Variants in BBS9 observed in about 807,000 individuals in gnomAD.
The protein encoded by BBS9 is protein PTHB1.
BBS9 carries 89 observed loss-of-function variants against 117.7 expected under a neutral mutation model. That is an observed-to-expected ratio of 0.76 (90% confidence interval 0.64 to 0.90). The LOEUF is 0.90. BBS9 is among the 40% of genes least tolerant of loss of function. BBS9 has a pLI of 0.00. For synonymous variants in BBS9, 379 were observed against 370.9 expected (o/e 1.02, Z -0.25); for missense variants, 982 against 1,042.2 (o/e 0.94, Z 0.80).
chr7:33,305,218 TTATGTTGAACCATGCTTGCATCCC>T (rs1245251836), intron 9 of BBS9, among the ~76,000 whole-genome samples: 1 of 152,166 alleles, frequency 6.6e-6, no homozygotes, highest in Non-Finnish European at 1.5e-5. Context: ...ATCATTTTGC[TTATGTTGAACCATGCTTGCATCCC>T]TAGGATAAAT....
chr7:33,403,535 A>G (rs997697911), intron 19 of BBS9, among the ~76,000 whole-genome samples: 1 of 134,144 alleles, frequency 7.5e-6, no homozygotes, highest in Non-Finnish European at 1.5e-5. Context: ...CTCATTGTTC[A>G]ATTCCCATCT....
chr7:33,310,684 TG>T (rs1226662924), intron 9 of BBS9, among the ~76,000 whole-genome samples: 1 of 152,212 alleles, frequency 6.6e-6, no homozygotes, highest in Non-Finnish European at 1.5e-5. Context: ...GGGACATTTT[TG>T]AATGTCATAA....
chr7:33,591,352 A>C (rs1049062422), intron 21 of BBS9, among the ~76,000 whole-genome samples: 9 of 152,108 alleles, frequency 5.9e-5, no homozygotes, highest in African/African-American at 2.2e-4. Context: ...AGGGCTTTGC[A>C]TGTGAATGTA....
intron 19 of BBS9, among the ~76,000 whole-genome samples, chr7:33,406,760 G>GC (rs1258310493): frequency 6.6e-6 from 1 of 151,950 alleles, no homozygotes; most frequent in Non-Finnish European, 1.5e-5. Flanking sequence ...TTGAATATTG[G>GC]CCCCCACTCT....
At chr7:33,274,113 A>G (rs1348236525) in intron 9 of BBS9, among the ~76,000 whole-genome samples, 157 bp downstream of exon 9, 3 of 152,220 alleles carry the variant, frequency 2.0e-5, no homozygotes, top group Admixed American at 1.3e-4. Flanking sequence ...TATAACTTTT[A>G]TTGGAAAGGA....
chr7:33,590,461 T>TTTTG (rs1554551714), intron 21 of BBS9, among the ~76,000 whole-genome samples: 45 of 109,516 alleles, frequency 4.1e-4, no homozygotes, highest in Middle Eastern at 4.4e-3. Context: ...GTTTTTTTGT[T>TTTTG]TTTTTTTTTT....
chr7:33,436,999 G>A (rs894649889), intron 19 of BBS9, among the ~76,000 whole-genome samples: 2 of 152,180 alleles, frequency 1.3e-5, no homozygotes, highest in Admixed American at 1.3e-4. Flanking sequence ...TTGTACATGA[G>A]TGAGGAAATT....
At chr7:33,249,423 A>G (rs927012809) in intron 5 of BBS9, among the ~76,000 whole-genome samples, 5 of 152,142 alleles carry the variant, frequency 3.3e-5, no homozygotes, top group Admixed American at 2.6e-4. Context: ...AATGAGACAT[A>G]CTATTGAATA....
intron 20 of BBS9, among the ~76,000 whole-genome samples, chr7:33,522,372 A>C (rs937114474): frequency 1.3e-5 from 2 of 150,000 alleles, no homozygotes; most frequent in Non-Finnish European, 3.0e-5. Flanking sequence ...AACAGTGTAA[A>C]AGTGTTCCTA....
chr7:33,275,311 A>C (rs1235692340), intron 9 of BBS9, among the ~76,000 whole-genome samples: 2 of 152,222 alleles, frequency 1.3e-5, no homozygotes, highest in Admixed American at 1.3e-4. Flanking sequence ...AATAATTTAA[A>C]AGTTTTGAGA....
At chr7:33,533,046 G>A (rs1233807663) in intron 20 of BBS9, among the ~76,000 whole-genome samples, 1 of 152,162 alleles carries the variant, frequency 6.6e-6, no homozygotes, top group Non-Finnish European at 1.5e-5. Context: ...TCCCCACAAA[G>A]ATCTTACCCA....
rs1792453560 is a variant in BBS9 at position 33,231,573 on chromosome 7, A to C, written c.443-25663A>C. Among the ~76,000 whole-genome samples, 3 of 150,610 alleles carry C rather than the reference A, an allele frequency of 2.0e-5. No homozygotes were observed. The Admixed American group carries it at 2.0e-4, about 10-fold the overall frequency. ...GCTATTTGGTTCCATATAAACTTTTATGGTTCCATATAAACTTTGGGATTT... is the reference window on the plus strand; with the variant it reads ...GCTATTTGGTTCCATATAAACTTTTCTGGTTCCATATAAACTTTGGGATTT... On this transcript the variant is annotated intron_variant, in intron 5 of 22. Transcript: ENST00000242067.
intron 9 of BBS9, among the ~76,000 whole-genome samples, chr7:33,297,983 T>G (rs879031278): frequency 1.3e-5 from 2 of 152,052 alleles, no homozygotes; most frequent in African/African-American, 4.8e-5. Flanking sequence ...AGCCTTTTCT[T>G]TTTTTTAGGA....
Position 33,318,129 on chromosome 7 carries a change from T to A in BBS9, c.1017-18312T>A, listed in dbSNP as rs1199093932. 2.0e-5 allele frequency among the ~76,000 whole-genome samples: 3 copies of A among 152,264 alleles called. No individual in the cohort carries two copies. The East Asian group carries it at 5.8e-4, about 29-fold the overall frequency. ...ACAAGATAACAAAAGCAAAACCCCCTTGCATAACTTCCCATTGCTTGAAGA... is the reference window on the plus strand; with the variant it reads ...ACAAGATAACAAAAGCAAAACCCCCATGCATAACTTCCCATTGCTTGAAGA... On this transcript the variant is annotated intron_variant, in intron 9 of 22. Transcript: ENST00000242067.
intron 4 of BBS9, among the ~76,000 whole-genome samples, chr7:33,174,258 A>G (rs1244440731): frequency 1.3e-5 from 2 of 152,142 alleles, no homozygotes; most frequent in East Asian, 3.9e-4. Flanking sequence ...AATGGACACA[A>G]TAGGCCTAGT....
chr7:33,369,929 T>A (rs1377766384), intron 17 of BBS9, among the ~76,000 whole-genome samples: 1 of 152,224 alleles, frequency 6.6e-6, no homozygotes, highest in Non-Finnish European at 1.5e-5. Flanking sequence ...ATAAGTCACA[T>A]AGAATTGTCC....
chr7:33,466,895 G>C (rs1480454105), intron 19 of BBS9, among the ~76,000 whole-genome samples: 1 of 152,082 alleles, frequency 6.6e-6, no homozygotes, highest in Admixed American at 6.6e-5. Context: ...CTTGGAGGGA[G>C]AGAGTGGTAT....
chr7:33,183,798 C>T (rs1188870842), intron 5 of BBS9, among the ~76,000 whole-genome samples: 3 of 152,050 alleles, frequency 2.0e-5, no homozygotes, highest in Admixed American at 1.3e-4. Context: ...ACAAGACAAG[C>T]GGGGAACCTC....
At chr7:33,428,673 G>C (rs1833981699) in intron 19 of BBS9, among the ~76,000 whole-genome samples, 1 of 152,116 alleles carries the variant, frequency 6.6e-6, no homozygotes, top group Admixed American at 6.6e-5. Flanking sequence ...ACTGACAAAG[G>C]ATAAGATACT....
Sources: gnomAD v4.1 joint callset for allele counts (sites outside exome capture counted in the v4.1 genomes callset) on GRCh38, gnomAD v4.1.1 for gene constraint, MANE v1.5 for transcripts, NCBI Gene and HGNC (gene_info 2026-07-23, HGNC 2026-07-21) for gene names.